RPA2: variants seen among roughly 807,000 people sequenced by gnomAD.
The protein encoded by RPA2 is replication protein A2.
Under a neutral mutation model 33.4 loss-of-function variants are expected in RPA2, and 22 were observed. The ratio of observed to expected loss-of-function variants is 0.66; its 90% CI spans 0.47 to 0.94. The LOEUF is 0.94. RPA2 is among the 40% of genes least tolerant of loss of function. RPA2 has a pLI of 0.00. For synonymous variants in RPA2, 109 were observed against 114.9 expected, an observed-to-expected ratio of 0.95 and a Z score of 0.33; for missense variants, 279 against 329.9, an observed-to-expected ratio of 0.85 and a Z score of 1.19.
intron 2 of RPA2, among the ~76,000 whole-genome samples, chr1:27,913,671 CTT>C (rs2090129984): frequency 6.6e-6 from 1 of 151,826 alleles, no homozygotes; most frequent in Non-Finnish European, 1.5e-5. Flanking sequence ...TACCCCAGCA[CTT>C]TGAGAGGCCG....
At chr1:27,894,250 CT>C in intron 7 of RPA2, 39 bp downstream of exon 7, 1 of 1,576,370 alleles carries the variant, frequency 6.3e-7, no homozygotes, top group Non-Finnish European at 8.7e-7. Context: ...TTAAGACTAT[CT>C]GTGTTTTGTA....
At chr1:27,914,683 C>A, upstream of RPA2, 1 of 1,612,614 alleles carries the variant, frequency 6.2e-7, no homozygotes, top group South Asian at 1.1e-5. Flanking sequence ...GCGTACTGCG[C>A]TCCCAGTTGG....
At chr1:27,904,268 A>G (rs536656487) in intron 4 of RPA2, among the ~76,000 whole-genome samples, 1 of 152,282 alleles carries the variant, frequency 6.6e-6, no homozygotes, top group South Asian at 2.1e-4. Context: ...TAAAAGAGGT[A>G]TGTGGACACC....
rs1225327354 is a variant in RPA2, at chr1:27,907,251, G to C, written c.149C>G (p.Thr50Ser). Residue 50 changes from threonine to serine, a missense_variant, in exon 3 of 9, where the codon ACT becomes AGT. Thr to Ser is a moderately conservative substitution (Grantham distance 58). Transcript: ENST00000373912. ...RARAQHIVPC[T>S]ISQLLSATLV... ...AGTGGCAGAAAGCAGCTGAGATATAGTACAGGGCACAATGTGCTGGGCTCG... is the reference window on the plus strand; with the variant it reads ...AGTGGCAGAAAGCAGCTGAGATATACTACAGGGCACAATGTGCTGGGCTCG... 6.2e-7 allele frequency: 1 copy of C among 1,613,600 alleles called. No homozygotes were observed. The highest frequency in any genetic ancestry group is 8.5e-7 in the Non-Finnish European group (1 of 1,179,836).
At chr1:27,914,023 G>A in intron 2 of RPA2, 40 bp downstream of exon 2, 3 of 1,521,846 alleles carry the variant, frequency 2.0e-6, no homozygotes, top group Non-Finnish European at 2.6e-6. Flanking sequence ...AGGGACTTCA[G>A]GACAGGATAA....
chr1:27,911,735 C>A (rs901130140), intron 2 of RPA2, among the ~76,000 whole-genome samples: 9 of 152,120 alleles, frequency 5.9e-5, no homozygotes, highest in Non-Finnish European at 1.2e-4. Context: ...ATACCTGAGT[C>A]TCTGTTAGTA....
chr1:27,907,377 A>G, intron 2 of RPA2, 95 bp from the exon 3 acceptor site: 1 of 981,088 alleles, frequency 1.0e-6, no homozygotes, highest in Non-Finnish European at 1.5e-6. Flanking sequence ...ATATATTAGA[A>G]CATTGAATTT....
At chr1:27,895,501 G>T (rs1002642574) in intron 6 of RPA2, among the ~76,000 whole-genome samples, 2 of 152,038 alleles carry the variant, frequency 1.3e-5, no homozygotes, top group African/African-American at 4.8e-5. Context: ...AGATCACGAG[G>T]TCAGGAGATC....
rs753513007 is a variant in RPA2, at chr1:27,907,296, A to C, written c.118-14T>G. On this transcript the variant is annotated splice_polypyrimidine_tract_variant and intron_variant, in intron 2 of 8. Coordinates refer to ENST00000373912, the MANE Select transcript of RPA2 (RefSeq NM_002946.5). ...GGCTCGGGCTCTCTGAAAAGAAAAA[A>C]CATGCAAAATTCAATTAAGAAAGTA... is the stretch of plus-strand genomic sequence containing the variant. The C allele has an allele frequency of 6.9e-6, 11 of 1,589,628 alleles. No individual in the cohort carries two copies. The East Asian group carries it at 2.5e-4, about 36-fold the overall frequency.
chr1:27,913,475 C>G lies in RPA2; in HGVS notation c.117+588G>C, dbSNP rs538647466. On this transcript the variant is annotated intron_variant, in intron 2 of 8. Transcript: ENST00000373912. ...TGGTGGCACATGCCTGTAATCCCAG[C>G]TACTCGGGACGCTGAAGCAGGAGAA... is the stretch of plus-strand genomic sequence containing the variant. Among the ~76,000 whole-genome samples the G allele has an allele frequency of 2.6e-5, 4 of 151,370 alleles. No individual in the cohort carries two copies. In the South Asian group the frequency reaches 8.3e-4, roughly 31 times the overall value.
intron 8 of RPA2, among the ~76,000 whole-genome samples, chr1:27,893,180 C>T (rs1457613378): frequency 6.6e-6 from 1 of 152,210 alleles, no homozygotes; most frequent in East Asian, 1.9e-4. Context: ...TATTATATAT[C>T]CCTCACATAT....
chr1:27,894,483 A>G, intron 6 of RPA2, 86 bp from the exon 7 acceptor site: 1 of 1,087,942 alleles, frequency 9.2e-7, no homozygotes, highest in South Asian at 1.4e-5. Context: ...TAAGCAGCTT[A>G]CAAAAAACAA....
chr1:27,900,280 TTTTGCA>T (rs1335851486), intron 4 of RPA2, among the ~76,000 whole-genome samples: 22 of 152,030 alleles, frequency 1.4e-4, no homozygotes, highest in Admixed American at 2.6e-4. Flanking sequence ...CCCGGCTAGT[TTTTGCA>T]TTTTTAGTAG....
intron 4 of RPA2, among the ~76,000 whole-genome samples, chr1:27,899,513 G>GA (rs67126026): frequency 0.011 from 1,223 of 107,566 alleles, 13 homozygotes; most frequent in African/African-American, 0.031. Context: ...AAAAAAAAAA[G>GA]AAAAAAAAAA....
At chr1:27,905,689 G>T (rs182655080) in intron 4 of RPA2, among the ~76,000 whole-genome samples, 52 of 149,936 alleles carry the variant, frequency 3.5e-4, no homozygotes, top group African/African-American at 1.3e-3. Flanking sequence ...GTTTTGAGGC[G>T]CAATCTTGGC....
intron 2 of RPA2, among the ~76,000 whole-genome samples, chr1:27,909,582 C>T (rs28988907): frequency 0.033 from 4,981 of 152,122 alleles, 269 homozygotes; most frequent in African/African-American, 0.11. Flanking sequence ...GGTGTGGTGG[C>T]GCATGCCTGT....
At chr1:27,904,037 G>A (rs1195606434) in intron 4 of RPA2, among the ~76,000 whole-genome samples, 1 of 151,918 alleles carries the variant, frequency 6.6e-6, no homozygotes, top group Non-Finnish European at 1.5e-5. Flanking sequence ...GGTGGCACAT[G>A]CCTGTAATCC....
At chr1:27,903,757 G>A (rs960352776) in intron 4 of RPA2, among the ~76,000 whole-genome samples, 3 of 150,768 alleles carry the variant, frequency 2.0e-5, no homozygotes, top group African/African-American at 7.3e-5. Context: ...ACCAGGCACG[G>A]TGGCATCAGC....
chr1:27,914,685 C>A (rs765839076), upstream of RPA2: 7 of 1,612,478 alleles, frequency 4.3e-6, no homozygotes, highest in Non-Finnish European at 5.9e-6. Flanking sequence ...GTACTGCGCT[C>A]CCAGTTGGCT....
Sources: allele counts gnomAD v4.1 joint callset (sites outside exome capture counted in the v4.1 genomes callset), GRCh38; gene constraint gnomAD v4.1.1; transcripts MANE v1.5; gene names NCBI Gene and HGNC (gene_info 2026-07-23, HGNC 2026-07-21).